PSMC1: variants seen among roughly 807,000 people sequenced by gnomAD.
PSMC1 encodes proteasome 26S subunit, ATPase 1, also known as 26S proteasome regulatory subunit 4.
Under a neutral mutation model 49.8 loss-of-function variants are expected in PSMC1, and 5 were observed. The ratio of observed to expected loss-of-function variants is 0.10; its 90% CI spans 0.05 to 0.21. PSMC1 has a LOEUF of 0.21. Ranked by LOEUF, PSMC1 falls within the 10% of genes least tolerant of loss-of-function variation. PSMC1 has a pLI of 1.00. For synonymous variants in PSMC1, 155 were observed against 192.1 expected, an observed-to-expected ratio of 0.81 and a Z score of 1.60; for missense variants, 181 against 535.7, an observed-to-expected ratio of 0.34 and a Z score of 6.54.
At chr14:90,261,496 T>G (rs1891397061) in intron 3 of PSMC1, among the ~76,000 whole-genome samples, 1 of 152,228 alleles carries the variant, frequency 6.6e-6, no homozygotes, top group African/African-American at 2.4e-5. Context: ...ATATTTAATA[T>G]ACATTGAAGG....
intron 1 of PSMC1, among the ~76,000 whole-genome samples, chr14:90,258,851 G>T (rs747672336): frequency 2.6e-5 from 4 of 152,142 alleles, no homozygotes; most frequent in African/African-American, 9.7e-5. Flanking sequence ...CCTCAAGAGG[G>T]GGGTGATCTT....
At position 90,273,551 on chromosome 14, in the gene PSMC1, C is replaced by CCGT. The variant is rs927075893; in HGVS notation, c.*1146_*1148dup. ...CCAGCCTGGGCGACAGAGCAAGACT[C>CCGT]CGTCTCAAAAATAAATAAATAAATA... On this transcript the variant is annotated 3_prime_UTR_variant, in exon 11 of 11. Transcript: ENST00000261303. 9 of 152,294 alleles carry CCGT rather than the reference C, an allele frequency of 5.9e-5. No homozygotes were observed. The highest frequency in any genetic ancestry group is 2.2e-4 in the African/African-American group (9 of 41,540). 9.4% of individuals were successfully genotyped at this position (152,294 alleles called of 1,614,324 possible). A position where few individuals can be genotyped will look rare whatever the true frequency, so the allele number is the denominator to read the frequency against.
Position 90,274,447 on chromosome 14 carries a change from GAAGAA to G in PSMC1, c.*2043_*2047del, listed in dbSNP as rs1891748390. 1 of 153,088 alleles carries G rather than the reference GAAGAA, an allele frequency of 6.5e-6. No homozygotes were observed. Among genetic ancestry groups the G allele is most frequent in the African/African-American group, 2.4e-5 (1 of 41,404 alleles). 9.5% of individuals were successfully genotyped at this position (153,088 alleles called of 1,614,324 possible). A position where few individuals can be genotyped will look rare whatever the true frequency, so the allele number is the denominator to read the frequency against. Reference sequence around the variant, plus strand: ...TTCTCTGAGGAGTTAGACACAGAAAGAAGAAAACAAGAACGACCTCTGTCCACTGG... The same window carrying G: ...TTCTCTGAGGAGTTAGACACAGAAAGAACAAGAACGACCTCTGTCCACTGG... On this transcript the variant is annotated 3_prime_UTR_variant, in exon 11 of 11. Coordinates refer to ENST00000261303, the MANE Select transcript of PSMC1 (RefSeq NM_002802.3).
At position 90,270,217 on chromosome 14, in the gene PSMC1, T is replaced by C; in HGVS notation, c.1053T>C (p.Ile351=). ...LIRPGRIDRK[I]EFPLPDEKTK... ...CTGCAGGCCGCATTGACAGGAAGAT[T>C]GAGTTCCCCCTGCCTGATGAAAAGA... The change falls in exon 10 of 11, where the codon ATT becomes ATC. Residue 351 remains isoleucine (I), a synonymous_variant. Transcript: ENST00000261303. The C allele has an allele frequency of 6.2e-7, 1 of 1,613,728 alleles. No homozygotes were observed. Among genetic ancestry groups the C allele is most frequent in the Non-Finnish European group, 8.5e-7 (1 of 1,179,806 alleles).
intron 8 of PSMC1, 155 bp downstream of exon 8, chr14:90,268,568 C>T: frequency 1.4e-6 from 1 of 701,250 alleles, no homozygotes; most frequent in South Asian, 1.8e-5. Context: ...CTCCCAGGAG[C>T]CAGCTAACAA....
At position 90,274,821 on chromosome 14, in the gene PSMC1, CACACACACACACA is replaced by C. The variant is rs1891763190; in HGVS notation, c.*2415_*2427del. ...ACACACACACACACACACACACACA[CACACACACACACA>C]CACACCCCAATACATATGAATTGAT... On this transcript the variant is annotated 3_prime_UTR_variant, in exon 11 of 11. Coordinates refer to ENST00000261303, the MANE Select transcript of PSMC1 (RefSeq NM_002802.3). 1.1e-5 allele frequency: 1 copy of C among 91,166 alleles called. No homozygotes were observed. The highest frequency in any genetic ancestry group is 2.2e-5 in the Non-Finnish European group (1 of 45,964). 5.6% of individuals were successfully genotyped at this position (91,166 alleles called of 1,614,324 possible). A position where few individuals can be genotyped will look rare whatever the true frequency, so the allele number is the denominator to read the frequency against.
intron 3 of PSMC1, among the ~76,000 whole-genome samples, chr14:90,261,022 T>C (rs1001393804): frequency 1.3e-5 from 2 of 152,168 alleles, no homozygotes; most frequent in African/African-American, 2.4e-5. Flanking sequence ...AAGCCTGAAG[T>C]TATAATAAAA....
At chr14:90,256,919 T>C (rs1427354166) in intron 1 of PSMC1, among the ~76,000 whole-genome samples, 1 of 152,012 alleles carries the variant, frequency 6.6e-6, no homozygotes, top group African/African-American at 2.4e-5. Flanking sequence ...GCTTTGCTGA[T>C]CGGCGCTGGG....
At chr14:90,268,193 T>C in intron 7 of PSMC1, 31 bp from the exon 8 acceptor site, 1 of 1,443,100 alleles carries the variant, frequency 6.9e-7, no homozygotes. Context: ...TAAGGTGTCT[T>C]TTTTTTTTTT....
In PSMC1 at chr14:90,269,431, C is replaced by T; in HGVS notation, c.916C>T (p.Gln306Ter). 6.2e-7 allele frequency: 1 copy of T among 1,607,652 alleles called. No homozygotes were observed. Among genetic ancestry groups the T allele is most frequent in the Middle Eastern group, 2.0e-4 (1 of 5,022 alleles). The change falls in exon 9 of 11, where the codon CAG (glutamine) becomes TAG (stop). Residue 306 changes from glutamine (Q) to a stop codon, truncating the protein, a stop_gained. Coordinates refer to ENST00000261303, the MANE Select transcript of PSMC1 (RefSeq NM_002802.3). LOFTEE classifies it high-confidence loss of function. ...CAATTCTGGTGGTGAGAGAGAAATTCAGCGAACAATGTTGGAACTGCTGAA... is the reference window on the plus strand; with the variant it reads ...CAATTCTGGTGGTGAGAGAGAAATTTAGCGAACAATGTTGGAACTGCTGAA... ...DSNSGGEREI[Q>*]RTMLELLNQL...
At position 90,263,858 on chromosome 14, in the gene PSMC1, A is replaced by G. The variant is rs1566672841; in HGVS notation, c.465+11A>G. ...CTGCTCAACCACAAGGTGAGGTGAT[A>G]GTCTTTTTCAGAAAGCCCACGGAAG... On this transcript the variant is annotated intron_variant, in intron 5 of 10. Transcript: ENST00000261303. 2.6e-5 allele frequency: 42 copies of G among 1,613,782 alleles called. No homozygotes were observed. The highest frequency in any genetic ancestry group is 3.2e-5 in the Non-Finnish European group (38 of 1,179,794).
intron 1 of PSMC1, among the ~76,000 whole-genome samples, chr14:90,256,806 G>C (rs1891302989): frequency 6.6e-6 from 1 of 152,194 alleles, no homozygotes; most frequent in Non-Finnish European, 1.5e-5. Flanking sequence ...CCTTGCCCGG[G>C]GATCCTGGGG....
At chr14:90,263,627 A>G in intron 4 of PSMC1, 35 bp from the exon 5 acceptor site, 1 of 1,601,812 alleles carries the variant, frequency 6.2e-7, no homozygotes, top group Non-Finnish European at 8.6e-7. Context: ...TTTGAGGTCT[A>G]GTCTGCTTTT....
At chr14:90,271,485 T>C (rs574008468) in intron 10 of PSMC1, 1 of 152,204 alleles carries the variant, frequency 6.6e-6, no homozygotes, top group Admixed American at 6.5e-5. Context: ...ATTAAATATA[T>C]TGGAATAAAT....
At chr14:90,263,945 C>T (rs942784361) in intron 5 of PSMC1, 96 bp from the exon 6 acceptor site, 2 of 1,582,906 alleles carry the variant, frequency 1.3e-6, no homozygotes, top group Non-Finnish European at 1.7e-6. Flanking sequence ...CCAAAGCACT[C>T]CTCAGGCAGA....
chr14:90,259,071 A>G, intron 1 of PSMC1, 89 bp from the exon 2 acceptor site: 1 of 1,186,224 alleles, frequency 8.4e-7, no homozygotes, highest in Non-Finnish European at 1.2e-6. Flanking sequence ...CTCACAGGAC[A>G]TGTTATAGAC....
intron 10 of PSMC1, chr14:90,271,387 C>G (rs767479783): frequency 3.3e-5 from 5 of 152,110 alleles, no homozygotes; most frequent in Non-Finnish European, 7.4e-5. Flanking sequence ...TCTTTCCTTT[C>G]TAAACAGATC....
rs987620572 is a variant in PSMC1 at position 90,275,188 on chromosome 14, C to T, written c.*2781C>T. 1 of 152,154 alleles carries T rather than the reference C, an allele frequency of 6.6e-6. No individual in the cohort carries two copies. Among genetic ancestry groups the T allele is most frequent in the South Asian group, 2.1e-4 (1 of 4,824 alleles). The allele number at this position is 152,154 out of a possible 1,614,324, so 9.4% of individuals were successfully genotyped here. ...CAAAAAGCTTCCAATCAGAAGGAGA[C>T]CAAAGAGATGACAACCAAGTGCAGC... On this transcript the variant is annotated 3_prime_UTR_variant, in exon 11 of 11. Coordinates refer to ENST00000261303, the MANE Select transcript of PSMC1 (RefSeq NM_002802.3).
At chr14:90,265,662 C>T (rs1891493265) in intron 7 of PSMC1, among the ~76,000 whole-genome samples, 1 of 145,990 alleles carries the variant, frequency 6.8e-6, no homozygotes, top group Non-Finnish European at 1.5e-5. Context: ...GCACTCCAGC[C>T]TGGGTGACAG....
Sources: allele counts gnomAD v4.1 joint callset (sites outside exome capture counted in the v4.1 genomes callset), GRCh38; gene constraint gnomAD v4.1.1; transcripts MANE v1.5; gene names NCBI Gene and HGNC (gene_info 2026-07-23, HGNC 2026-07-21).